Variants in MIS18A observed in about 807,000 individuals in gnomAD.
MIS18A encodes the protein protein Mis18-alpha.
MIS18A carries 14 observed loss-of-function variants against 25.0 expected under a neutral mutation model. The ratio of observed to expected loss-of-function variants is 0.56; its 90% CI spans 0.37 to 0.88. The LOEUF is 0.88. Ranked by LOEUF, MIS18A falls within the 40% of genes least tolerant of loss-of-function variation. The pLI, the probability that MIS18A is intolerant of heterozygous loss-of-function variation, is 0.00. For synonymous variants in MIS18A, 134 were observed against 118.6 expected, an observed-to-expected ratio of 1.13 and a Z score of -0.84; for missense variants, 292 against 290.8, an observed-to-expected ratio of 1.00 and a Z score of -0.03.
Position 32,274,906 on chromosome 21 carries a change from G to C in MIS18A, c.335-10C>G, listed in dbSNP as rs756803003. 16 of 1,603,204 alleles carry C rather than the reference G, an allele frequency of 1.0e-5. No individual in the cohort carries two copies. The East Asian group carries it at 2.2e-4, about 22-fold the overall frequency. On this transcript the variant is annotated splice_polypyrimidine_tract_variant and intron_variant, in intron 1 of 4. Coordinates refer to ENST00000290130, the MANE Select transcript of MIS18A (RefSeq NM_018944.3). Reference sequence around the variant, plus strand: ...ACATTACAGGAAACACCTAGAAACAGAGAAAGTAACAATAATTTATTAATG... The same window carrying C: ...ACATTACAGGAAACACCTAGAAACACAGAAAGTAACAATAATTTATTAATG...
Position 32,278,784 on chromosome 21 carries a change from C to T in MIS18A, c.231G>A (p.Glu77=). The part of the protein sequence containing the change: ...AQLEEEAAAA[E]ERPLVFLCSG... The stretch of plus-strand genomic sequence containing the variant: ...AGCACAGGAACACCAGCGGCCTCTC[C>T]TCCGCAGCCGCCGCCTCCTCCTCCA... The change falls in exon 1 of 5, where the codon GAG becomes GAA. Residue 77 remains glutamate (E), a synonymous_variant. Transcript: ENST00000290130. 1.9e-6 allele frequency: 3 copies of T among 1,581,976 alleles called. No homozygotes were observed. The highest frequency in any genetic ancestry group is 2.6e-6 in the Non-Finnish European group (3 of 1,168,606).
the MIS18A span, among the ~76,000 whole-genome samples, chr21:32,186,836 T>C: frequency 6.6e-6 from 1 of 152,302 alleles, no homozygotes; most frequent in African/African-American, 2.4e-5. Context: ...GTAAACCATA[T>C]GCTCCTGGCT....
At chr21:32,176,330 C>T in the MIS18A span, among the ~76,000 whole-genome samples, 12 of 152,098 alleles carry the variant, frequency 7.9e-5, no homozygotes, top group African/African-American at 1.4e-4. Context: ...GATGTTACAA[C>T]GGATATGACA....
At chr21:32,259,867 GAATA>G in the MIS18A span, 1 of 152,160 alleles carries the variant, frequency 6.6e-6, no homozygotes. Context: ...GAGAAAGACA[GAATA>G]AATAGAACAG....
At chr21:32,257,973 A>G in the MIS18A span, among the ~76,000 whole-genome samples, 1 of 152,228 alleles carries the variant, frequency 6.6e-6, no homozygotes, top group Non-Finnish European at 1.5e-5. Flanking sequence ...ATAACAAGAT[A>G]GCACTGTTCC....
chr21:32,240,812 C>T, the MIS18A span, among the ~76,000 whole-genome samples: 22 of 170 alleles, frequency 0.13, no homozygotes, highest in African/African-American at 0.31. Context: ...GAAATTAGTC[C>T]AGCCTCCCTT....
At chr21:32,212,619 C>A in the MIS18A span, among the ~76,000 whole-genome samples, 1 of 152,102 alleles carries the variant, frequency 6.6e-6, no homozygotes, top group Non-Finnish European at 1.5e-5. Flanking sequence ...TGCATCAGGT[C>A]CCCAGGCTTT....
chr21:32,241,422 G>T, the MIS18A span, among the ~76,000 whole-genome samples: 1 of 151,610 alleles, frequency 6.6e-6, no homozygotes, highest in African/African-American at 2.4e-5. Flanking sequence ...TCAAGGATGT[G>T]ACCCCAAATG....
rs1244543726 is a variant in MIS18A at position 32,269,721 on chromosome 21, T to C, written c.607A>G (p.Lys203Glu). The C allele has an allele frequency of 6.3e-7, 1 of 1,598,296 alleles. No homozygotes were observed. The highest frequency in any genetic ancestry group is 1.1e-5 in the South Asian group (1 of 90,708). Residue 203 changes from lysine (K) to glutamate (E), a missense_variant, in exon 4 of 5, where the codon AAG (lysine) becomes GAG (glutamate). By Grantham distance (56) the Lys-to-Glu change is moderately conservative (BLOSUM62 1). Transcript: ENST00000290130. Reference sequence around the variant, plus strand: ...AATAAAATTACCTGTGTTAGAGACTTTTCTATTTCAACTCTGCTTTCAAGA... The same window carrying C: ...AATAAAATTACCTGTGTTAGAGACTCTTCTATTTCAACTCTGCTTTCAAGA... Reference protein sequence around the residue: ...FNLESRVEIEKSLTQMEDVLK... With the variant: ...FNLESRVEIEESLTQMEDVLK...
At chr21:32,216,796 A>T in the MIS18A span, among the ~76,000 whole-genome samples, 5 of 152,332 alleles carry the variant, frequency 3.3e-5, no homozygotes, top group East Asian at 5.8e-4. Context: ...CCCAATACAC[A>T]TACAGAACCT....
At chr21:32,252,243 AGGAGG>A in the MIS18A span, among the ~76,000 whole-genome samples, 46 of 48,090 alleles carry the variant, frequency 9.6e-4, no homozygotes, top group East Asian at 0.026. Context: ...AAGAAGAAGG[AGGAGG>A]AGGAGGAGGA....
At chr21:32,223,194 C>A in the MIS18A span, among the ~76,000 whole-genome samples, 5,373 of 151,980 alleles carry the variant, frequency 0.035, 328 homozygotes, top group African/African-American at 0.12. Context: ...AGAACTGACA[C>A]CCTAACATCA....
chr21:32,171,982 C>T, the MIS18A span, among the ~76,000 whole-genome samples: 3,835 of 152,086 alleles, frequency 0.025, 168 homozygotes, highest in East Asian at 0.11. Flanking sequence ...GGGCAAAGGA[C>T]TTGAATAGCC....
the MIS18A span, among the ~76,000 whole-genome samples, chr21:32,186,261 G>A: frequency 1.3e-5 from 2 of 152,182 alleles, no homozygotes; most frequent in Admixed American, 1.3e-4. Context: ...GTTCTCTGAC[G>A]ACGTGTCTAT....
the MIS18A span, among the ~76,000 whole-genome samples, chr21:32,203,247 T>C: frequency 1.3e-5 from 2 of 150,966 alleles, no homozygotes; most frequent in African/African-American, 2.4e-5. Flanking sequence ...AAAGAAGGAA[T>C]AGAAAAAATA....
the MIS18A span, among the ~76,000 whole-genome samples, chr21:32,239,440 G>A: frequency 6.6e-6 from 1 of 152,150 alleles, no homozygotes; most frequent in African/African-American, 2.4e-5. Flanking sequence ...ATACTGATAA[G>A]GTTTGACAGA....
chr21:32,206,940 T>A, the MIS18A span, among the ~76,000 whole-genome samples: 1 of 152,204 alleles, frequency 6.6e-6, no homozygotes, highest in Non-Finnish European at 1.5e-5. Flanking sequence ...CCGTTCAGTT[T>A]CACAAACGCC....
At chr21:32,214,579 T>C in the MIS18A span, among the ~76,000 whole-genome samples, 1 of 152,214 alleles carries the variant, frequency 6.6e-6, no homozygotes, top group African/African-American at 2.4e-5. Flanking sequence ...TATGTTCTAA[T>C]CACAGATTAA....
chr21:32,269,578 G>A, intron 4 of MIS18A, 129 bp downstream of exon 4: 1 of 583,862 alleles, frequency 1.7e-6, no homozygotes, highest in South Asian at 2.7e-5. Context: ...ACTAACAACT[G>A]AAATGAAATA....
Sources: gnomAD v4.1 joint callset for allele counts (sites outside exome capture counted in the v4.1 genomes callset) on GRCh38, gnomAD v4.1.1 for gene constraint, MANE v1.5 for transcripts, NCBI Gene and HGNC (gene_info 2026-07-23, HGNC 2026-07-21) for gene names.